The following NGLY1 variants were observed in gnomAD, a reference collection of about 807,000 sequenced individuals.
The protein encoded by NGLY1 is N-glycanase 1.
A neutral mutation model predicts 84.6 loss-of-function variants in NGLY1; 68 were observed. The ratio of observed to expected loss-of-function variants is 0.80; its 90% CI spans 0.66 to 0.98. The LOEUF is 0.98. Among genes scored for constraint, NGLY1 ranks in the 50% least tolerant of loss-of-function variants. NGLY1 has a pLI of 0.00. For synonymous variants in NGLY1, 280 were observed against 275.2 expected (o/e 1.02, Z -0.17); for missense variants, 779 against 770.2 (o/e 1.01, Z -0.14).
intron 4 of NGLY1, among the ~76,000 whole-genome samples, chr3:25,746,489 C>G (rs1213691768): frequency 2.0e-5 from 3 of 152,104 alleles, no homozygotes; most frequent in African/African-American, 7.2e-5. Context: ...TTCTACAACC[C>G]CTGTATTACC....
At chr3:25,747,287 C>CCACA (rs1706484741) in intron 4 of NGLY1, among the ~76,000 whole-genome samples, 1 of 152,078 alleles carries the variant, frequency 6.6e-6, no homozygotes, top group Admixed American at 6.5e-5. Context: ...ATATAAAGGA[C>CCACA]CACAGTACTT....
In NGLY1 at chr3:25,770,611, T is replaced by C. The variant is rs1410554525; in HGVS notation, c.247-6300A>G. On this transcript the variant is annotated intron_variant, in intron 2 of 11. Transcript: ENST00000280700. ...GTACAGGAATTGCTAGATCAAATGGTAGATCTACTTTTAGTTCTTTAAGGA... is the reference window on the plus strand; with the variant it reads ...GTACAGGAATTGCTAGATCAAATGGCAGATCTACTTTTAGTTCTTTAAGGA... Among the ~76,000 whole-genome samples, 4 of 152,356 alleles carry C rather than the reference T, an allele frequency of 2.6e-5. No homozygotes were observed. In the East Asian group the frequency reaches 5.8e-4, roughly 22 times the overall value.
Position 25,720,211 on chromosome 3 carries a change from G to A in NGLY1, c.1612-20C>T. The A allele has an allele frequency of 6.3e-7, 1 of 1,585,114 alleles. No homozygotes were observed. On this transcript the variant is annotated intron_variant, in intron 10 of 11. Transcript: ENST00000280700. ...ATATACCTATAAGGAGTAGGGATGG[G>A]GAGAAAGGAACTGTCAGAAAAAATG...
At chr3:25,762,512 C>A (rs1707365949) in intron 3 of NGLY1, among the ~76,000 whole-genome samples, 1 of 152,150 alleles carries the variant, frequency 6.6e-6, no homozygotes, top group Non-Finnish European at 1.5e-5. Context: ...TAATAGCATA[C>A]ACCTTTGAGA....
intron 3 of NGLY1, among the ~76,000 whole-genome samples, chr3:25,757,225 T>C (rs558518224): frequency 6.6e-6 from 1 of 152,298 alleles, no homozygotes; most frequent in South Asian, 2.1e-4. Flanking sequence ...ATAGACCTGA[T>C]CAACTTCATA....
intron 2 of NGLY1, among the ~76,000 whole-genome samples, chr3:25,768,864 A>C (rs1477170166): frequency 6.6e-6 from 1 of 151,980 alleles, no homozygotes; most frequent in Non-Finnish European, 1.5e-5. Flanking sequence ...CTTTAAGAAC[A>C]CAGGCAACTA....
At chr3:25,759,825 A>G (rs961801661) in intron 3 of NGLY1, among the ~76,000 whole-genome samples, 16 of 152,098 alleles carry the variant, frequency 1.1e-4, no homozygotes, top group Non-Finnish European at 1.5e-4. Flanking sequence ...TTAAGACTTC[A>G]TAAGAAAAAA....
chr3:25,737,607 A>C, intron 5 of NGLY1, 152 bp from the exon 6 acceptor site: 1 of 674,828 alleles, frequency 1.5e-6, no homozygotes, highest in Non-Finnish European at 2.3e-6. Context: ...CAGTGGCGCA[A>C]TCTCGGCTCA....
chr3:25,737,431 CA>C lies in NGLY1; in HGVS notation c.905del (p.Leu302TrpfsTer22). On this transcript the variant is annotated frameshift_variant, in exon 6 of 12. Coordinates refer to ENST00000280700, the MANE Select transcript of NGLY1 (RefSeq NM_018297.4). LOFTEE classifies it high-confidence loss of function. ...FPRYNNPEKL[L>X]ETRCGRCGEW... Reference sequence around the variant, plus strand: ...CGCCACACCGTCCACATCTTGTTTCCAAAAGTTTCTCAGGGTTATTATATCT... The same window carrying C: ...CGCCACACCGTCCACATCTTGTTTCCAAAGTTTCTCAGGGTTATTATATCT... 6.2e-7 allele frequency: 1 copy of C among 1,612,042 alleles called. No individual in the cohort carries two copies. The highest frequency in any genetic ancestry group is 8.5e-7 in the Non-Finnish European group (1 of 1,179,380).
At chr3:25,732,272 T>A in intron 9 of NGLY1, 47 bp downstream of exon 9, 1 of 1,580,246 alleles carries the variant, frequency 6.3e-7, no homozygotes. Flanking sequence ...GCATAGTATA[T>A]GAAGCAGGAA....
At position 25,737,372 on chromosome 3, in the gene NGLY1, G is replaced by C; in HGVS notation, c.965C>G (p.Ala322Gly). The C allele has an allele frequency of 6.2e-7, 1 of 1,613,520 alleles. No homozygotes were observed. The highest frequency in any genetic ancestry group is 8.5e-7 in the Non-Finnish European group (1 of 1,179,862). Reference protein sequence around the residue: ...WANCFTLCCRAVGFEARYVWD... With the variant: ...WANCFTLCCRGVGFEARYVWD... Reference sequence around the variant, plus strand: ...AACATAGCGAGCTTCAAACCCTACAGCTCGGCAGCACAGTGTAAAACAATT... The same window carrying C: ...AACATAGCGAGCTTCAAACCCTACACCTCGGCAGCACAGTGTAAAACAATT... Residue 322 changes from alanine (A) to glycine (G), a missense_variant, in exon 6 of 12, where the codon GCT becomes GGT. By Grantham distance (60) the Ala-to-Gly change is moderately conservative. Transcript: ENST00000280700.
intron 3 of NGLY1, among the ~76,000 whole-genome samples, chr3:25,754,310 A>G (rs1201310385): frequency 6.6e-6 from 1 of 152,206 alleles, no homozygotes; most frequent in African/African-American, 2.4e-5. Flanking sequence ...AATAGGAAGG[A>G]TGAGAAGAAG....
Position 25,738,981 on chromosome 3 carries a change from G to T in NGLY1, c.881+596C>A, listed in dbSNP as rs1341875878. On this transcript the variant is annotated intron_variant, in intron 5 of 11. Transcript: ENST00000280700. ...TTAGTTTAAAATTTAGAGATATGAG[G>T]AGTAGGTTAGGTTGGGCAGGGGAAG... Among the ~76,000 whole-genome samples, 2 of 152,060 alleles carry T rather than the reference G, an allele frequency of 1.3e-5. 1 individual carries two copies. Among genetic ancestry groups the T allele is most frequent in the African/African-American group, 4.8e-5 (2 of 41,408 alleles).
intron 2 of NGLY1, among the ~76,000 whole-genome samples, chr3:25,777,233 T>C (rs1165619930): frequency 1.3e-5 from 2 of 151,972 alleles, no homozygotes; most frequent in Non-Finnish European, 2.9e-5. Context: ...CCATCTCTAC[T>C]AAAAATACAA....
At chr3:25,744,948 T>C (rs1361854646) in intron 4 of NGLY1, among the ~76,000 whole-genome samples, 1 of 152,140 alleles carries the variant, frequency 6.6e-6, no homozygotes, top group Admixed American at 6.6e-5. Context: ...CCAGACTGAC[T>C]ACTTCCATAA....
At position 25,733,939 on chromosome 3, in the gene NGLY1, AC is replaced by A. The variant is rs1487912297; in HGVS notation, c.1192del (p.Val398Ter). Reference protein sequence around the residue: ...TWRYSCKHEEVIARRTKVKEA... With the variant: ...TWRYSCKHEEXIARRTKVKEA... The stretch of plus-strand genomic sequence containing the variant: ...TTTAACCTTAGTTCTTCTGGCAATC[AC>A]CTCTTCATGTTTGCAGGAATATCGC... On this transcript the variant is annotated frameshift_variant, in exon 8 of 12. Transcript: ENST00000280700. LOFTEE classifies it high-confidence loss of function. 2 of 1,613,812 alleles carry A rather than the reference AC, an allele frequency of 1.2e-6. No individual in the cohort carries two copies. Among genetic ancestry groups the A allele is most frequent in the Non-Finnish European group, 1.7e-6 (2 of 1,179,846 alleles).
upstream of NGLY1, among the ~76,000 whole-genome samples, chr3:25,785,135 C>A (rs1361362064): frequency 8.2e-3 from 632 of 76,780 alleles, no homozygotes; most frequent in Non-Finnish European, 0.011. Context: ...CCTGCTTGGA[C>A]AAAAAAAAAA....
chr3:25,746,120 T>A (rs1284715781), intron 4 of NGLY1, among the ~76,000 whole-genome samples: 1 of 152,210 alleles, frequency 6.6e-6, no homozygotes, highest in Non-Finnish European at 1.5e-5. Context: ...GCCTACTTGA[T>A]CTTCCACTGC....
chr3:25,726,420 A>G (rs1464819346), intron 10 of NGLY1, among the ~76,000 whole-genome samples: 2 of 152,234 alleles, frequency 1.3e-5, no homozygotes, highest in African/African-American at 4.8e-5. Context: ...TGTTGAATAC[A>G]TGTCATGAAA....
Sources: gnomAD v4.1 joint callset for allele counts (sites outside exome capture counted in the v4.1 genomes callset) on GRCh38, gnomAD v4.1.1 for gene constraint, MANE v1.5 for transcripts, NCBI Gene and HGNC (gene_info 2026-07-23, HGNC 2026-07-21) for gene names.